Variants in ERC2 observed in about 807,000 individuals in gnomAD.
The protein encoded by ERC2 is ELKS/RAB6-interacting/CAST family member 2.
ERC2 carries 42 observed loss-of-function variants against 114.8 expected under a neutral mutation model. The ratio of observed to expected loss-of-function variants is 0.37; its 90% CI spans 0.29 to 0.47. The LOEUF (loss-of-function observed/expected upper bound fraction) is 0.47. ERC2 is among the 20% of genes least tolerant of loss of function. The pLI, the probability that ERC2 is intolerant of heterozygous loss-of-function variation, is 0.99. For missense variants in ERC2, 939 were observed against 1,150.7 expected (o/e 0.82, Z 2.66); for synonymous variants, 454 against 425.5 (o/e 1.07, Z -0.82).
chr3:56,186,114 T>TAAAAAAAAAAAAAAAAAAAAAAAAAA (rs201544979), intron 3 of ERC2, among the ~76,000 whole-genome samples: 8 of 102,542 alleles, frequency 7.8e-5, no homozygotes, highest in Admixed American at 3.2e-4. Flanking sequence ...TCAAGAACCT[T>TAAAAAAAAAAAAAAAAAAAAAAAAAA]AAAAAAAAAA....
chr3:55,975,371 T>C (rs1278760705), intron 12 of ERC2, among the ~76,000 whole-genome samples: 1 of 152,182 alleles, frequency 6.6e-6, no homozygotes, highest in Non-Finnish European at 1.5e-5. Flanking sequence ...TTTCCATAGT[T>C]TCTTCCACCA....
At chr3:56,290,249 G>C (rs1247812067) in intron 3 of ERC2, among the ~76,000 whole-genome samples, 1 of 152,192 alleles carries the variant, frequency 6.6e-6, no homozygotes, top group African/African-American at 2.4e-5. Flanking sequence ...GAATTCTTCT[G>C]ATACTGACAA....
chr3:56,444,446 C>G (rs2062467407), intron 1 of ERC2, among the ~76,000 whole-genome samples: 1 of 152,108 alleles, frequency 6.6e-6, no homozygotes, highest in Non-Finnish European at 1.5e-5. Flanking sequence ...GAATAAAATT[C>G]AAAGTCCAAG....
intron 13 of ERC2, among the ~76,000 whole-genome samples, chr3:55,899,335 G>T (rs932675006): frequency 6.6e-6 from 1 of 151,942 alleles, no homozygotes; most frequent in Non-Finnish European, 1.5e-5. Flanking sequence ...TTACTCTAAG[G>T]ATATAATAAG....
At position 55,575,816 on chromosome 3, in the gene ERC2, CT is replaced by C. The variant is rs138110962; in HGVS notation, c.*40-64541del. On this transcript the variant is annotated intron_variant, in intron 17 of 17. Transcript: ENST00000288221. Reference sequence around the variant, plus strand: ...CCAGAGTAGCAAGAGCAGTCAAACCCTGCCTGGGACTTTGTGCCAAGCCCTG... The same window carrying C: ...CCAGAGTAGCAAGAGCAGTCAAACCCGCCTGGGACTTTGTGCCAAGCCCTG... 5.0e-3 allele frequency among the ~76,000 whole-genome samples: 760 copies of C among 152,322 alleles called. 8 individuals carry two copies. The highest frequency in any genetic ancestry group is 0.017 in the African/African-American group (722 of 41,570).
chr3:55,753,464 T>A (rs971183713), intron 14 of ERC2, among the ~76,000 whole-genome samples: 4 of 152,144 alleles, frequency 2.6e-5, no homozygotes, highest in Non-Finnish European at 4.4e-5. Flanking sequence ...ACAGGAATGG[T>A]GGGCATTACT....
chr3:55,549,477 C>CTTTTT (rs11404043), intron 17 of ERC2, among the ~76,000 whole-genome samples: 4 of 123,222 alleles, frequency 3.2e-5, no homozygotes, highest in East Asian at 2.4e-4. Context: ...GCCGCCTTAC[C>CTTTTT]TTTTTTTTTT....
At chr3:56,263,004 C>T (rs2053044074) in intron 3 of ERC2, among the ~76,000 whole-genome samples, 2 of 152,212 alleles carry the variant, frequency 1.3e-5, no homozygotes, top group South Asian at 4.1e-4. Context: ...GGAAGCTCTA[C>T]AGCAGCAACA....
At chr3:55,805,384 T>C (rs561934892) in intron 14 of ERC2, among the ~76,000 whole-genome samples, 3 of 152,056 alleles carry the variant, frequency 2.0e-5, no homozygotes, top group Non-Finnish European at 2.9e-5. Flanking sequence ...TAAATATTAG[T>C]TGAGTAACTA....
chr3:55,646,696 C>G (rs2060413067), intron 17 of ERC2, among the ~76,000 whole-genome samples: 1 of 152,088 alleles, frequency 6.6e-6, no homozygotes, highest in South Asian at 2.1e-4. Context: ...AATGTAAGCT[C>G]CATGTAGACA....
At chr3:56,232,417 A>G (rs1440720868) in intron 3 of ERC2, among the ~76,000 whole-genome samples, 2 of 152,126 alleles carry the variant, frequency 1.3e-5, no homozygotes, top group African/African-American at 2.4e-5. Context: ...AGTCTCCCAA[A>G]CCAAGCACGG....
chr3:56,068,066 G>A (rs578072755), intron 7 of ERC2, among the ~76,000 whole-genome samples: 1 of 152,294 alleles, frequency 6.6e-6, no homozygotes, highest in East Asian at 1.9e-4. Flanking sequence ...AATGAGTTAG[G>A]GAGAAGTCCT....
intron 4 of ERC2, among the ~76,000 whole-genome samples, chr3:56,151,542 C>T (rs565869666): frequency 4.6e-5 from 7 of 152,156 alleles, no homozygotes; most frequent in East Asian, 3.9e-4. Context: ...ATATTCAAAA[C>T]GCCAAACCAG....
At chr3:55,727,941 G>T (rs2065021553) in intron 15 of ERC2, among the ~76,000 whole-genome samples, 1 of 152,144 alleles carries the variant, frequency 6.6e-6, no homozygotes, top group Non-Finnish European at 1.5e-5. Context: ...GCCATTTTGT[G>T]GTCATCAGTT....
intron 13 of ERC2, among the ~76,000 whole-genome samples, chr3:55,908,494 G>A (rs2064601237): frequency 6.6e-6 from 1 of 152,088 alleles, no homozygotes; most frequent in Non-Finnish European, 1.5e-5. Flanking sequence ...AGGAGGAAAG[G>A]AAGAGTCAGG....
At chr3:56,137,083 A>T (rs2080553289) in intron 6 of ERC2, among the ~76,000 whole-genome samples, 1 of 152,154 alleles carries the variant, frequency 6.6e-6, no homozygotes, top group South Asian at 2.1e-4. Flanking sequence ...AGAGAGGTAA[A>T]ATACAGGGAG....
intron 17 of ERC2, among the ~76,000 whole-genome samples, chr3:55,539,911 AT>A (rs2054280713): frequency 6.7e-6 from 1 of 148,980 alleles, no homozygotes; most frequent in South Asian, 2.1e-4. Flanking sequence ...TACTAATTTA[AT>A]ATATCCTGTG....
intron 14 of ERC2, among the ~76,000 whole-genome samples, chr3:55,845,806 T>A (rs1450666335): frequency 2.6e-5 from 4 of 152,220 alleles, no homozygotes; most frequent in Non-Finnish European, 5.9e-5. Flanking sequence ...GGAGACCAAC[T>A]AAATTTTTCA....
chr3:56,300,057 T>C (rs2055760053), intron 2 of ERC2, among the ~76,000 whole-genome samples: 2 of 152,082 alleles, frequency 1.3e-5, no homozygotes, highest in South Asian at 4.1e-4. Flanking sequence ...GTGGGGATAA[T>C]CATAATGCCT....
Sources: gnomAD v4.1 joint callset for allele counts (sites outside exome capture counted in the v4.1 genomes callset) on GRCh38, gnomAD v4.1.1 for gene constraint, MANE v1.5 for transcripts, NCBI Gene and HGNC (gene_info 2026-07-23, HGNC 2026-07-21) for gene names.